PPP4R3B: variants seen among roughly 807,000 people sequenced by gnomAD.
PPP4R3B encodes the protein protein phosphatase 4 regulatory subunit 3B.
In PPP4R3B, 52 loss-of-function variants were observed where a neutral mutation model predicts 95.4. The observed-to-expected ratio is 0.54, with a 90% CI of 0.44 to 0.69. The LOEUF is 0.69. Among genes scored for constraint, PPP4R3B ranks in the 30% least tolerant of loss-of-function variants. The pLI, the probability that PPP4R3B is intolerant of heterozygous loss-of-function variation, is 0.00. For missense variants in PPP4R3B, 1,003 were observed against 1,005.9 expected (o/e 1.00, Z 0.04); for synonymous variants, 407 against 343.9 (o/e 1.18, Z -2.03).
In PPP4R3B at chr2:55,548,754, A is replaced by G. The variant is rs534768939; in HGVS notation, c.*1157T>C. 1 of 152,720 alleles carries G rather than the reference A, an allele frequency of 6.5e-6. No individual in the cohort carries two copies. Among genetic ancestry groups the G allele is most frequent in the Non-Finnish European group, 1.5e-5 (1 of 68,026 alleles). The allele number at this position is 152,720 out of a possible 1,614,324, so 9.5% of individuals were successfully genotyped here. On this transcript the variant is annotated 3_prime_UTR_variant, in exon 17 of 17. Transcript: ENST00000616407. ...TTTTCTCACTTCGGCATGATCTCAG[A>G]TCATAGATGAGCAAACTAACATTAA...
chr2:55,611,839 C>T (rs1442696552), intron 2 of PPP4R3B, among the ~76,000 whole-genome samples: 2 of 152,118 alleles, frequency 1.3e-5, no homozygotes, highest in Admixed American at 6.5e-5. Flanking sequence ...AATGATCCTC[C>T]CGTCTCACCT....
intron 2 of PPP4R3B, among the ~76,000 whole-genome samples, chr2:55,613,776 A>C (rs1694519788): frequency 6.6e-6 from 1 of 151,706 alleles, no homozygotes. Flanking sequence ...AAAGTTCCTG[A>C]TAATTATATT....
chr2:55,589,280 T>C (rs914989387), intron 4 of PPP4R3B, among the ~76,000 whole-genome samples: 1 of 152,212 alleles, frequency 6.6e-6, no homozygotes, highest in Non-Finnish European at 1.5e-5. Context: ...GTCTACTTAC[T>C]CTTAATTTAA....
At chr2:55,612,606 C>A (rs1694320285) in intron 2 of PPP4R3B, among the ~76,000 whole-genome samples, 1 of 151,950 alleles carries the variant, frequency 6.6e-6, no homozygotes, top group Admixed American at 6.6e-5. Context: ...GCAAATTTAG[C>A]CTGGACAACA....
intron 2 of PPP4R3B, chr2:55,614,402 T>C (rs536970689): frequency 6.6e-6 from 1 of 152,212 alleles, no homozygotes; most frequent in Non-Finnish European, 1.5e-5. Context: ...ATAAGAATAC[T>C]ATACAGAGTT....
At chr2:55,569,201 G>A (rs1355633764) in intron 12 of PPP4R3B, among the ~76,000 whole-genome samples, 1 of 152,142 alleles carries the variant, frequency 6.6e-6, no homozygotes, top group Non-Finnish European at 1.5e-5. Context: ...AGGGCTCCTT[G>A]GTCTAGCGGT....
chr2:55,605,647 C>A (rs561478971), intron 2 of PPP4R3B, among the ~76,000 whole-genome samples: 1 of 152,120 alleles, frequency 6.6e-6, no homozygotes, highest in Non-Finnish European at 1.5e-5. Flanking sequence ...AAGGCTCACA[C>A]CTGTAATCCC....
At chr2:55,550,073 C>A (rs921344379) in intron 16 of PPP4R3B, 67 bp from the exon 17 acceptor site, 3 of 961,290 alleles carry the variant, frequency 3.1e-6, no homozygotes, top group Non-Finnish European at 4.8e-6. Context: ...AGTACAAATA[C>A]AATCACTTGT....
At chr2:55,569,261 C>T (rs1279541088) in intron 12 of PPP4R3B, among the ~76,000 whole-genome samples, 2 of 152,002 alleles carry the variant, frequency 1.3e-5, no homozygotes, top group African/African-American at 4.8e-5. Context: ...CATGGTCTAG[C>T]GGTAGCGTTA....
intron 4 of PPP4R3B, among the ~76,000 whole-genome samples, chr2:55,591,941 G>A (rs1691090640): frequency 6.6e-6 from 1 of 151,984 alleles, no homozygotes; most frequent in Admixed American, 6.6e-5. Flanking sequence ...ATCTCTTTTA[G>A]TTTTTCTTTT....
chr2:55,604,835 T>A (rs1693157484), intron 2 of PPP4R3B, among the ~76,000 whole-genome samples: 1 of 151,798 alleles, frequency 6.6e-6, no homozygotes, highest in Admixed American at 6.6e-5. Flanking sequence ...AATATACATA[T>A]ATATATTTTG....
chr2:55,564,205 T>C (rs1177921282), intron 15 of PPP4R3B, 108 bp downstream of exon 15: 1 of 861,860 alleles, frequency 1.2e-6, no homozygotes, highest in East Asian at 3.1e-5. Flanking sequence ...GGTATAAAAT[T>C]TTTGTCTTTC....
intron 16 of PPP4R3B, among the ~76,000 whole-genome samples, chr2:55,555,815 C>G (rs1182262752): frequency 6.6e-6 from 1 of 152,054 alleles, no homozygotes; most frequent in Non-Finnish European, 1.5e-5. Flanking sequence ...AAGAGCTCAC[C>G]AAGATAAATT....
chr2:55,600,722 A>G (rs1194666311), intron 3 of PPP4R3B, among the ~76,000 whole-genome samples: 1 of 152,114 alleles, frequency 6.6e-6, no homozygotes, highest in African/African-American at 2.4e-5. Flanking sequence ...ATCCCTTCCA[A>G]AGGTGGAAAA....
At chr2:55,592,434 T>C (rs1185405667) in intron 4 of PPP4R3B, among the ~76,000 whole-genome samples, 1 of 152,130 alleles carries the variant, frequency 6.6e-6, no homozygotes, top group Admixed American at 6.5e-5. Flanking sequence ...GGGCCAAATC[T>C]AGTAAGATAA....
In PPP4R3B at chr2:55,600,976, G is replaced by C. The variant is rs58321554; in HGVS notation, c.298-1937C>G. Among the ~76,000 whole-genome samples the C allele has an allele frequency of 8.9e-3, 1,346 of 151,918 alleles. 27 individuals are homozygous for C. Among genetic ancestry groups the C allele is most frequent in the African/African-American group, 0.031 (1,272 of 41,436 alleles). On this transcript the variant is annotated intron_variant, in intron 3 of 16. Transcript: ENST00000616407. ...GTTCAAGACCAGCCTGTGCAACCTTGTCACTACAAAAAATACAAAAATTAG... is the reference window on the plus strand; with the variant it reads ...GTTCAAGACCAGCCTGTGCAACCTTCTCACTACAAAAAATACAAAAATTAG...
Position 55,581,494 on chromosome 2 carries a change from T to C in PPP4R3B, c.1365+73A>G, listed in dbSNP as rs546527733. ...TGGACAAATACTTAAAATACTTGTT[T>C]CTCAAAATCTTATTACAAAGCCACC... On this transcript the variant is annotated intron_variant, in intron 8 of 16. Coordinates refer to ENST00000616407, the MANE Select transcript of PPP4R3B (RefSeq NM_001122964.3). 1.7e-5 allele frequency: 24 copies of C among 1,450,630 alleles called. No individual in the cohort carries two copies. In the East Asian group the frequency reaches 5.4e-4, roughly 33 times the overall value. 89.9% of individuals were successfully genotyped at this position (1,450,630 alleles called of 1,614,324 possible).
intron 2 of PPP4R3B, among the ~76,000 whole-genome samples, chr2:55,605,877 G>T (rs1166607313): frequency 7.1e-6 from 1 of 140,592 alleles, no homozygotes; most frequent in Non-Finnish European, 1.5e-5. Flanking sequence ...TTGCACTCCA[G>T]CCTGGCAACA....
chr2:55,574,990 T>A (rs1042800611), intron 11 of PPP4R3B, among the ~76,000 whole-genome samples: 26 of 141,596 alleles, frequency 1.8e-4, no homozygotes, highest in Admixed American at 1.3e-3. Flanking sequence ...CAGACTGGAG[T>A]GCAGTGGTGC....
Sources: gnomAD v4.1 joint callset for allele counts (sites outside exome capture counted in the v4.1 genomes callset) on GRCh38, gnomAD v4.1.1 for gene constraint, MANE v1.5 for transcripts, NCBI Gene and HGNC (gene_info 2026-07-23, HGNC 2026-07-21) for gene names.